Variants in LRBA observed in about 807,000 individuals in gnomAD.
LRBA encodes LPS responsive beige-like anchor protein.
Under a neutral mutation model 330.0 loss-of-function variants are expected in LRBA, and 176 were observed. The observed-to-expected ratio is 0.53, with a 90% CI of 0.47 to 0.60. LRBA has a LOEUF of 0.60. Ranked by LOEUF, LRBA falls within the 20% of genes least tolerant of loss-of-function variation. The probability of loss-of-function intolerance (pLI) is 0.00; values close to 1 mark genes in which losing one functional copy is unlikely to be tolerated. For missense variants in LRBA, 3,259 were observed against 3,444.8 expected (o/e 0.95, Z 1.35); for synonymous variants, 1,230 against 1,193.0 (o/e 1.03, Z -0.64).
At chr4:150,359,260 G>T (rs1738321949) in intron 47 of LRBA, among the ~76,000 whole-genome samples, 1 of 152,088 alleles carries the variant, frequency 6.6e-6, no homozygotes, top group South Asian at 2.1e-4. Context: ...TATTTATTGA[G>T]TGGTTACTAT....
chr4:150,437,985 A>T (rs1751343355), intron 44 of LRBA, among the ~76,000 whole-genome samples: 1 of 152,232 alleles, frequency 6.6e-6, no homozygotes, highest in Non-Finnish European at 1.5e-5. Context: ...AAGCCTATGC[A>T]TGTACATATC....
intron 12 of LRBA, 90 bp downstream of exon 12, chr4:150,906,207 T>C: frequency 2.2e-6 from 2 of 906,274 alleles, no homozygotes; most frequent in Admixed American, 2.2e-5. Flanking sequence ...CAAGGAGACA[T>C]TCTTGCAGAC....
chr4:150,632,813 C>T (rs7675820), intron 37 of LRBA, among the ~76,000 whole-genome samples: 151,376 of 152,362 alleles, frequency 0.99, 75,199 homozygotes, highest in East Asian at 1. Context: ...ATACTTGCTG[C>T]ATCATAGCAG....
intron 44 of LRBA, among the ~76,000 whole-genome samples, chr4:150,462,509 T>C (rs1286890426): frequency 4.6e-5 from 7 of 151,870 alleles, no homozygotes; most frequent in Non-Finnish European, 1.0e-4. Flanking sequence ...ATTCAGACTT[T>C]TTTTTTCTTA....
chr4:150,333,843 GA>G, intron 48 of LRBA, among the ~76,000 whole-genome samples: 1 of 151,924 alleles, frequency 6.6e-6, no homozygotes. Flanking sequence ...ATTCCTAAAG[GA>G]AAAAAATCCT....
chr4:150,617,162 C>G (rs1013070319), intron 37 of LRBA, among the ~76,000 whole-genome samples: 6 of 152,160 alleles, frequency 3.9e-5, no homozygotes, highest in African/African-American at 1.4e-4. Flanking sequence ...TTGATGGGAG[C>G]TGAAATAGCT....
intron 40 of LRBA, chr4:150,584,352 C>T (rs548849366): frequency 1.3e-5 from 5 of 378,494 alleles, no homozygotes; most frequent in Non-Finnish European, 2.4e-5. Context: ...AAAGGTCACA[C>T]AAAAGAAGCA....
chr4:150,792,707 A>G (rs1035399956), intron 34 of LRBA, among the ~76,000 whole-genome samples: 5 of 152,072 alleles, frequency 3.3e-5, no homozygotes, highest in Non-Finnish European at 7.4e-5. Flanking sequence ...GGGTCTTGCT[A>G]TGTTGCCCAG....
intron 36 of LRBA, among the ~76,000 whole-genome samples, chr4:150,702,270 GA>G (rs1290304651): frequency 6.6e-6 from 1 of 152,086 alleles, no homozygotes; most frequent in African/African-American, 2.4e-5. Flanking sequence ...ACAAAGGTGG[GA>G]AAAAAGTTTG....
chr4:150,359,851 G>A (rs536882556), intron 47 of LRBA, among the ~76,000 whole-genome samples: 43 of 151,818 alleles, frequency 2.8e-4, no homozygotes, highest in African/African-American at 4.3e-4. Flanking sequence ...GTGGTGGCGC[G>A]CATCTGTAAT....
In LRBA at chr4:150,839,115, C is replaced by G. The variant is rs577488434; in HGVS notation, c.4569+4985G>C. Among the ~76,000 whole-genome samples the G allele has an allele frequency of 2.0e-5, 3 of 152,284 alleles. No individual in the cohort carries two copies. The South Asian group carries it at 6.2e-4, about 32-fold the overall frequency. On this transcript the variant is annotated intron_variant, in intron 28 of 56. Coordinates refer to ENST00000651943, the MANE Select transcript of LRBA (RefSeq NM_001364905.1). ...CAATTCTCAAAAGAAGATATTTATG[C>G]AGCCAACAGACACATGAAAAAATGC...
intron 2 of LRBA, among the ~76,000 whole-genome samples, chr4:150,971,869 C>G (rs1739619336): frequency 6.6e-6 from 1 of 152,020 alleles, no homozygotes; most frequent in African/African-American, 2.4e-5. Flanking sequence ...AATGGAGATG[C>G]CTTTAATGTA....
At chr4:150,273,433 T>C (rs969133939) in intron 56 of LRBA, among the ~76,000 whole-genome samples, 5 of 152,168 alleles carry the variant, frequency 3.3e-5, no homozygotes, top group African/African-American at 1.2e-4. Flanking sequence ...GCTAGCATCA[T>C]AATGACAGGA....
At chr4:150,576,176 AAGG>A (rs947846128) in intron 40 of LRBA, among the ~76,000 whole-genome samples, 14 of 150,934 alleles carry the variant, frequency 9.3e-5, no homozygotes, top group African/African-American at 3.1e-4. Context: ...AAAAAAAAAA[AAGG>A]AGGAGGGGAG....
At chr4:150,554,611 T>C (rs1432250819) in intron 40 of LRBA, among the ~76,000 whole-genome samples, 1 of 152,140 alleles carries the variant, frequency 6.6e-6, no homozygotes, top group African/African-American at 2.4e-5. Flanking sequence ...AACTAAAGTA[T>C]AGAAAGATGC....
At chr4:150,577,142 TA>T (rs888413781) in intron 40 of LRBA, among the ~76,000 whole-genome samples, 5 of 151,956 alleles carry the variant, frequency 3.3e-5, no homozygotes, top group African/African-American at 9.7e-5. Context: ...TTTAGAAAAT[TA>T]AATCCTTTGA....
intron 47 of LRBA, among the ~76,000 whole-genome samples, chr4:150,374,926 C>T (rs183879089): frequency 3.9e-5 from 6 of 152,240 alleles, no homozygotes; most frequent in African/African-American, 1.2e-4. Flanking sequence ...GGTCAGGGTC[C>T]TAGCAGGAAA....
At chr4:150,825,554 A>G (rs1442708468) in intron 30 of LRBA, among the ~76,000 whole-genome samples, 2 of 152,106 alleles carry the variant, frequency 1.3e-5, no homozygotes, top group Admixed American at 6.6e-5. Context: ...TTTTTAGTAG[A>G]GGTGGGGTTT....
intron 2 of LRBA, among the ~76,000 whole-genome samples, chr4:150,933,896 G>A (rs1017077802): frequency 6.6e-6 from 1 of 151,802 alleles, no homozygotes; most frequent in Non-Finnish European, 1.5e-5. Context: ...GTGGTGGCAT[G>A]TGGCTGTAGT....
Sources: gnomAD v4.1 joint callset for allele counts (sites outside exome capture counted in the v4.1 genomes callset) on GRCh38, gnomAD v4.1.1 for gene constraint, MANE v1.5 for transcripts, NCBI Gene and HGNC (gene_info 2026-07-23, HGNC 2026-07-21) for gene names.